The following SLC26A11 variants were observed in gnomAD, a reference collection of about 807,000 sequenced individuals.
SLC26A11 encodes sodium-independent sulfate anion transporter.
A neutral mutation model predicts 62.2 loss-of-function variants in SLC26A11; 58 were observed. The ratio of observed to expected loss-of-function variants is 0.93; its 90% CI spans 0.76 to 1.16. SLC26A11 has a LOEUF of 1.16. Ranked by LOEUF, SLC26A11 falls within the 50% of genes most tolerant of loss-of-function variation. SLC26A11 has a pLI of 0.00. For synonymous variants in SLC26A11, 411 were observed against 368.9 expected, an observed-to-expected ratio of 1.11 and a Z score of -1.31; for missense variants, 790 against 794.3, an observed-to-expected ratio of 0.99 and a Z score of 0.06.
chr17:80,247,386 G>A (rs1023019353), intron 13 of SLC26A11, among the ~76,000 whole-genome samples: 1 of 152,166 alleles, frequency 6.6e-6, no homozygotes, highest in African/African-American at 2.4e-5. Context: ...TGGTGGCCGG[G>A]CAGAGGGGCT....
At chr17:80,234,378 TC>T (rs2042637919) in intron 7 of SLC26A11, among the ~76,000 whole-genome samples, 1 of 152,248 alleles carries the variant, frequency 6.6e-6, no homozygotes, top group South Asian at 2.1e-4. Flanking sequence ...CATTCTTTGT[TC>T]CTCTGTATGT....
chr17:80,249,260 C>T lies in SLC26A11; in HGVS notation c.1629C>T (p.Gly543=), dbSNP rs370561135. 54 of 1,610,900 alleles carry T rather than the reference C, an allele frequency of 3.4e-5. No individual in the cohort carries two copies. Among genetic ancestry groups the T allele is most frequent in the African/African-American group, 1.1e-4 (8 of 74,918 alleles). Residue 543 remains glycine, a synonymous_variant, in exon 16 of 18, where the codon GGC becomes GGT. Transcript: ENST00000361193. ...GELLQDFQKQ[G]VALAFVGLQV... ...TCCTCCAGGACTTCCAGAAGCAGGG[C>T]GTCGCCCTGGCCTTTGTGGGCCTGC...
Position 80,223,065 on chromosome 17 carries a change from C to G in SLC26A11, c.428-187C>G. The G allele has an allele frequency of 1.4e-6, 1 of 728,936 alleles. No individual in the cohort carries two copies. The highest frequency in any genetic ancestry group is 1.7e-5 in the South Asian group (1 of 57,188). The allele number at this position is 728,936 out of a possible 1,614,324, so 45.2% of individuals were successfully genotyped here. Reference sequence around the variant, plus strand: ...GGACACTTGGAGAAGTGCCTGTGGCCTCAGACCCCAGTCTCCCTTTTCTGC... The same window carrying G: ...GGACACTTGGAGAAGTGCCTGTGGCGTCAGACCCCAGTCTCCCTTTTCTGC... On this transcript the variant is annotated intron_variant, in intron 4 of 17. Transcript: ENST00000361193. The surrounding 1 kb of genome is among the most constrained non-coding windows in gnomAD (Gnocchi z 4.6).
rs2043095571 is a variant in SLC26A11, at chr17:80,249,255, C to T, written c.1624C>T (p.Gln542Ter). 2 of 1,611,162 alleles carry T rather than the reference C, an allele frequency of 1.2e-6. No homozygotes were observed. The highest frequency in any genetic ancestry group is 1.7e-6 in the Non-Finnish European group (2 of 1,180,002). Residue 542 changes from glutamine to a stop codon, truncating the protein, a stop_gained, in exon 16 of 18, where the codon CAG becomes TAG. Transcript: ENST00000361193. LOFTEE classifies it high-confidence loss of function. Reference protein sequence around the residue: ...LGELLQDFQKQGVALAFVGLQ... With the variant: ...LGELLQDFQK ...CGAGCTCCTCCAGGACTTCCAGAAG[C>T]AGGGCGTCGCCCTGGCCTTTGTGGG...
At chr17:80,237,447 C>A in intron 8 of SLC26A11, 75 bp from the exon 9 acceptor site, 1 of 1,427,056 alleles carries the variant, frequency 7.0e-7, no homozygotes, top group Middle Eastern at 1.8e-4. Context: ...GGGGTGGGTC[C>A]TTGCTGCTTT....
At chr17:80,238,550 C>G (rs2042761867) in intron 9 of SLC26A11, among the ~76,000 whole-genome samples, 1 of 152,136 alleles carries the variant, frequency 6.6e-6, no homozygotes. Context: ...TCTAGATTCC[C>G]TCCTTGCAGC....
intron 15 of SLC26A11, 31 bp from the exon 16 acceptor site, chr17:80,249,123 G>A (rs1222931953): frequency 1.3e-6 from 2 of 1,595,762 alleles, no homozygotes; most frequent in Non-Finnish European, 1.7e-6. Flanking sequence ...TGCTCTGGGT[G>A]GCGTGACCTG....
At chr17:80,227,434 G>A (rs1042026080) in intron 6 of SLC26A11, among the ~76,000 whole-genome samples, 7 of 152,188 alleles carry the variant, frequency 4.6e-5, no homozygotes, top group East Asian at 3.8e-4. Flanking sequence ...ATGTGAGCAC[G>A]TCGCTCTGCC....
In SLC26A11 at chr17:80,247,207, T is replaced by G. The variant is rs1008341386; in HGVS notation, c.1294+558T>G. ...CCCAAGGCAGAGGAATTTTTCTTAG[T>G]GCAGAACAAAATGAAAAGTCTCCCA... On this transcript the variant is annotated intron_variant, in intron 13 of 17. Transcript: ENST00000361193. Among the ~76,000 whole-genome samples the G allele has an allele frequency of 6.6e-5, 10 of 152,124 alleles. 1 individual carries two copies. Among genetic ancestry groups the G allele is most frequent in the Admixed American group, 6.5e-4 (10 of 15,272 alleles).
At chr17:80,250,336 C>A (rs989400667) in intron 16 of SLC26A11, among the ~76,000 whole-genome samples, 1 of 152,152 alleles carries the variant, frequency 6.6e-6, no homozygotes. Context: ...ACCTGGCCCA[C>A]GAGGCTAGTG....
intron 7 of SLC26A11, among the ~76,000 whole-genome samples, chr17:80,229,553 G>A (rs1024084623): frequency 1.3e-5 from 2 of 151,390 alleles, no homozygotes; most frequent in South Asian, 2.1e-4. Context: ...CCTCAGCCTC[G>A]CGAGTAGCTG....
chr17:80,238,811 G>GT (rs1276063968), intron 9 of SLC26A11, among the ~76,000 whole-genome samples: 1,364 of 123,078 alleles, frequency 0.011, 87 homozygotes, highest in African/African-American at 0.028. Flanking sequence ...CTTCAAAGGA[G>GT]TTTTTTTTGT....
Position 80,236,994 on chromosome 17 carries a change from A to G in SLC26A11, c.803A>G (p.Gln268Arg). 3 of 1,614,054 alleles carry G rather than the reference A, an allele frequency of 1.9e-6. No individual in the cohort carries two copies. In the South Asian group the frequency reaches 3.3e-5, roughly 18 times the overall value. The change falls in exon 8 of 18, where the codon CAG becomes CGG. Residue 268 changes from glutamine to arginine, a missense_variant. By Grantham distance (43) the Gln-to-Arg change is conservative (BLOSUM62 1). Transcript: ENST00000361193. ...VAYSFEVTGY[Q>R]PFILTGETAE... ...TACTCCTTCGAGGTGACTGGATACC[A>G]GCCTTTCATCCTAACAGGGGAGACA...
intron 11 of SLC26A11, 74 bp downstream of exon 11, chr17:80,245,330 C>T: frequency 6.7e-7 from 1 of 1,486,818 alleles, no homozygotes; most frequent in Non-Finnish European, 9.4e-7. Context: ...AAGGAGTCTG[C>T]CTGCCCTGAC....
chr17:80,228,235 T>C lies in SLC26A11; in HGVS notation c.736+275T>C, dbSNP rs1284955618. 6.6e-6 allele frequency among the ~76,000 whole-genome samples: 1 copy of C among 152,144 alleles called. No homozygotes were observed. Among genetic ancestry groups the C allele is most frequent in the Non-Finnish European group, 1.5e-5 (1 of 68,016 alleles). On this transcript the variant is annotated intron_variant, in intron 7 of 17. Transcript: ENST00000361193. The surrounding 1 kb of genome is among the most constrained non-coding windows in gnomAD (Gnocchi z 4.1). ...GCAACCTCCGCCTCCCAGGTTCATG[T>C]GATTCTCCTGCCTCAGCCTCCTGAG...
At chr17:80,239,165 C>T (rs996338115) in intron 9 of SLC26A11, among the ~76,000 whole-genome samples, 13 of 151,638 alleles carry the variant, frequency 8.6e-5, no homozygotes, top group Middle Eastern at 3.4e-3. Flanking sequence ...CCGCAACCTC[C>T]GCCCCCCAGG....
At chr17:80,234,533 G>A (rs9890844) in intron 7 of SLC26A11, among the ~76,000 whole-genome samples, 41,670 of 151,594 alleles carry the variant, frequency 0.27, 6,179 homozygotes, top group South Asian at 0.39. Flanking sequence ...TCTTAGACAT[G>A]TGGGTTTGCA....
In SLC26A11 at chr17:80,252,744, T is replaced by A. The variant is rs1347630379; in HGVS notation, c.*28T>A. 3 of 1,597,062 alleles carry A rather than the reference T, an allele frequency of 1.9e-6. No individual in the cohort carries two copies. The South Asian group carries it at 3.3e-5, about 18-fold the overall frequency. ...GGGCCACCCGTGGGCATCCACAGTT[T>A]GCAGGGTGTTCCGGAAGGTTCTTGT... On this transcript the variant is annotated 3_prime_UTR_variant, in exon 18 of 18. Transcript: ENST00000361193. The surrounding 1 kb of genome is among the most constrained non-coding windows in gnomAD (Gnocchi z 5.2).
rs1422586811 is a variant in SLC26A11 at position 80,251,340 on chromosome 17, C to G, written c.1668C>G (p.Leu556=). Residue 556 remains leucine, a synonymous_variant, in exon 17 of 18, where the codon CTC becomes CTG. Transcript: ENST00000361193. ...LAFVGLQVPV[L]RVLLSADLKG... ...TGTCTGTCTCTCAGGTCCCCGTTCT[C>G]CGTGTCCTGCTGTCCGCTGACCTGA... 3.1e-6 allele frequency: 5 copies of G among 1,613,992 alleles called. No individual in the cohort carries two copies. Among genetic ancestry groups the G allele is most frequent in the Non-Finnish European group, 4.2e-6 (5 of 1,180,006 alleles).
Sources: gnomAD v4.1 joint callset for allele counts (sites outside exome capture counted in the v4.1 genomes callset) on GRCh38, gnomAD v4.1.1 for gene constraint, Gnocchi (gnomAD v3.1) non-coding constraint, MANE v1.5 for transcripts, NCBI Gene and HGNC (gene_info 2026-07-23, HGNC 2026-07-21) for gene names.